The following GRM1 variants were observed in gnomAD, a reference collection of about 807,000 sequenced individuals.
GRM1 encodes the protein glutamate metabotropic receptor 1, also known as metabotropic glutamate receptor 1.
GRM1 carries 33 observed loss-of-function variants against 90.9 expected under a neutral mutation model. That is an observed-to-expected ratio of 0.36 (90% CI 0.28 to 0.49). The LOEUF (loss-of-function observed/expected upper bound fraction) is 0.49, where lower values mean the gene tolerates loss of function less well. Ranked by LOEUF, GRM1 falls within the 20% of genes least tolerant of loss-of-function variation. The probability of loss-of-function intolerance (pLI) is 0.99; values close to 1 mark genes in which losing one functional copy is unlikely to be tolerated. For synonymous variants in GRM1, 700 were observed against 613.2 expected, an observed-to-expected ratio of 1.14 and a Z score of -2.09; for missense variants, 1,190 against 1,534.3, an observed-to-expected ratio of 0.78 and a Z score of 3.75.
intron 1 of GRM1, among the ~76,000 whole-genome samples, chr6:146,097,994 T>C (rs1307784483): frequency 6.6e-6 from 1 of 152,184 alleles, no homozygotes; most frequent in Non-Finnish European, 1.5e-5. Flanking sequence ...CTCCTTATTC[T>C]TATCCCTGTT....
chr6:146,395,736 T>C (rs1216896290), intron 6 of GRM1, among the ~76,000 whole-genome samples: 4 of 152,166 alleles, frequency 2.6e-5, no homozygotes, highest in Non-Finnish European at 5.9e-5. Flanking sequence ...ATCTGACTTG[T>C]GTTCTAGAAA....
intron 2 of GRM1, among the ~76,000 whole-genome samples, chr6:146,244,370 TC>T (rs1261412285): frequency 6.6e-6 from 1 of 152,218 alleles, no homozygotes; most frequent in Non-Finnish European, 1.5e-5. Flanking sequence ...CATGAAATCT[TC>T]ACAATTTATG....
chr6:146,108,738 T>G (rs1775428822), intron 1 of GRM1, among the ~76,000 whole-genome samples: 1 of 152,168 alleles, frequency 6.6e-6, no homozygotes. Context: ...CAGGAAAATG[T>G]GGGAAAGTTT....
At chr6:146,284,839 G>A (rs1276151768) in intron 2 of GRM1, among the ~76,000 whole-genome samples, 1 of 152,174 alleles carries the variant, frequency 6.6e-6, no homozygotes, top group Non-Finnish European at 1.5e-5. Context: ...GCCTCAGGTA[G>A]TGTCTTTATA....
At chr6:146,266,620 C>A (rs545298369) in intron 2 of GRM1, among the ~76,000 whole-genome samples, 1 of 152,344 alleles carries the variant, frequency 6.6e-6, no homozygotes, top group Admixed American at 6.5e-5. Flanking sequence ...CTCCCGCTGT[C>A]CTAGTGAAGA....
intron 1 of GRM1, among the ~76,000 whole-genome samples, chr6:146,036,983 G>C (rs1002265273): frequency 2.6e-5 from 4 of 151,736 alleles, no homozygotes; most frequent in African/African-American, 4.8e-5. Flanking sequence ...ACAGTTATAG[G>C]CTCATGGGTT....
At chr6:146,056,755 C>T (rs1000429112) in intron 1 of GRM1, among the ~76,000 whole-genome samples, 7 of 152,092 alleles carry the variant, frequency 4.6e-5, no homozygotes, top group Non-Finnish European at 1.0e-4. Flanking sequence ...GTGAACTATG[C>T]GATTTCTCCA....
intron 6 of GRM1, among the ~76,000 whole-genome samples, chr6:146,396,853 A>T (rs1317307443): frequency 6.6e-6 from 1 of 152,216 alleles, no homozygotes; most frequent in African/African-American, 2.4e-5. Flanking sequence ...ATATGACTTA[A>T]TATATAAAGA....
At position 146,079,220 on chromosome 6, in the gene GRM1, C is replaced by T. The variant is rs118096198; in HGVS notation, c.700+49003C>T. Among the ~76,000 whole-genome samples, 1,440 of 152,300 alleles carry T rather than the reference C, an allele frequency of 9.5e-3. 9 individuals carry two copies. Among genetic ancestry groups the T allele is most frequent in the Admixed American group, 0.018 (282 of 15,300 alleles). ...TGTGGTTGCCCAGAAGCATTTGTTGCAATGCCCGTGGGCTGGACATTAGGT... is the reference window on the plus strand; with the variant it reads ...TGTGGTTGCCCAGAAGCATTTGTTGTAATGCCCGTGGGCTGGACATTAGGT... On this transcript the variant is annotated intron_variant, in intron 1 of 7. Coordinates refer to ENST00000282753, the MANE Select transcript of GRM1 (RefSeq NM_001278064.2).
At chr6:146,217,606 A>G (rs1779917136) in intron 2 of GRM1, among the ~76,000 whole-genome samples, 1 of 152,186 alleles carries the variant, frequency 6.6e-6, no homozygotes, top group Non-Finnish European at 1.5e-5. Flanking sequence ...CAAGAGAGGA[A>G]TGTAGGTGCC....
At chr6:146,173,698 GC>G (rs1415478821) in intron 2 of GRM1, among the ~76,000 whole-genome samples, 2 of 141,042 alleles carry the variant, frequency 1.4e-5, no homozygotes, top group African/African-American at 2.7e-5. Context: ...ACAGAGTCTC[GC>G]CCTGTTGCCC....
chr6:146,327,867 C>T (rs1343273960), intron 3 of GRM1, among the ~76,000 whole-genome samples: 1 of 152,180 alleles, frequency 6.6e-6, no homozygotes, highest in Middle Eastern at 3.4e-3. Flanking sequence ...ACTTTTAAAC[C>T]TAGCTATTTG....
In GRM1 at chr6:146,371,619, A is replaced by G. The variant is rs114528803; in HGVS notation, c.1602+13925A>G. Among the ~76,000 whole-genome samples the G allele has an allele frequency of 3.3e-3, 497 of 152,120 alleles. 4 individuals are homozygous for G. The highest frequency in any genetic ancestry group is 0.011 in the African/African-American group (476 of 41,518). ...ATCCCCATCTCCTCCCCATGCCCCA[A>G]CTACTCTTCCCAGCCTCTGGTAGCC... On this transcript the variant is annotated intron_variant, in intron 5 of 7. Coordinates refer to ENST00000282753, the MANE Select transcript of GRM1 (RefSeq NM_001278064.2).
intron 2 of GRM1, among the ~76,000 whole-genome samples, chr6:146,235,271 TTTATGATAAAA>T: frequency 6.6e-6 from 1 of 152,156 alleles, no homozygotes; most frequent in Non-Finnish European, 1.5e-5. Flanking sequence ...GATTGTAAAA[TTTATGATAAAA>T]ATGTTTTTGT....
intron 1 of GRM1, among the ~76,000 whole-genome samples, chr6:146,150,198 C>A (rs1196680882): frequency 1.3e-5 from 2 of 152,040 alleles, no homozygotes; most frequent in African/African-American, 4.8e-5. Context: ...CCTCCCCTCT[C>A]CCCAAAGAAT....
At chr6:146,420,640 G>T (rs1373436600) in intron 7 of GRM1, among the ~76,000 whole-genome samples, 1 of 152,082 alleles carries the variant, frequency 6.6e-6, no homozygotes, top group Non-Finnish European at 1.5e-5. Context: ...CCATATTACT[G>T]GAAAACCTAG....
intron 2 of GRM1, among the ~76,000 whole-genome samples, chr6:146,178,310 T>A (rs1039687455): frequency 1.3e-5 from 2 of 152,188 alleles, no homozygotes; most frequent in Non-Finnish European, 2.9e-5. Flanking sequence ...TGTTATGGAT[T>A]TGGGGGATTA....
intron 2 of GRM1, among the ~76,000 whole-genome samples, chr6:146,264,555 T>C (rs554904993): frequency 3.2e-4 from 49 of 152,030 alleles, no homozygotes; most frequent in African/African-American, 1.2e-3. Flanking sequence ...GTTACATGTG[T>C]AGGTTTGTTA....
intron 5 of GRM1, among the ~76,000 whole-genome samples, chr6:146,376,746 G>C (rs1240008401): frequency 2.0e-5 from 3 of 152,068 alleles, no homozygotes; most frequent in Non-Finnish European, 4.4e-5. Context: ...TAAGTGCCTT[G>C]AGGTAGTCTT....
Sources: allele counts gnomAD v4.1 joint callset (sites outside exome capture counted in the v4.1 genomes callset), GRCh38; gene constraint gnomAD v4.1.1; transcripts MANE v1.5; gene names NCBI Gene and HGNC (gene_info 2026-07-23, HGNC 2026-07-21).